Variants in COBL observed in about 807,000 individuals in gnomAD.
The protein encoded by COBL is cordon-bleu WH2 repeat protein.
A neutral mutation model predicts 98.8 loss-of-function variants in COBL; 51 were observed. That is an observed-to-expected ratio of 0.52 (90% CI 0.41 to 0.65). The LOEUF is 0.65. Ranked by LOEUF, COBL falls within the 30% of genes least tolerant of loss-of-function variation. COBL has a pLI of 0.00. For synonymous variants in COBL, 634 were observed against 651.7 expected (o/e 0.97, Z 0.41); for missense variants, 1,617 against 1,617.5 (o/e 1.00, Z 0.01).
At chr7:51,057,666 C>T (rs1398924573) in intron 7 of COBL, among the ~76,000 whole-genome samples, 1 of 152,180 alleles carries the variant, frequency 6.6e-6, no homozygotes, top group African/African-American at 2.4e-5. Flanking sequence ...ATGTTTCACA[C>T]ACAAACCACC....
intron 1 of COBL, among the ~76,000 whole-genome samples, chr7:51,303,180 G>C (rs1052554240): frequency 6.6e-6 from 1 of 152,196 alleles, no homozygotes; most frequent in Non-Finnish European, 1.5e-5. Flanking sequence ...CGGATGCAGA[G>C]ATAGACACAA....
chr7:51,135,574 C>A (rs1799154514), intron 6 of COBL, among the ~76,000 whole-genome samples: 1 of 152,166 alleles, frequency 6.6e-6, no homozygotes, highest in Non-Finnish European at 1.5e-5. Context: ...ATCCAGGGAC[C>A]AAGCCTCACA....
chr7:51,070,450 A>G (rs954460798), intron 7 of COBL, among the ~76,000 whole-genome samples: 1 of 127,954 alleles, frequency 7.8e-6, no homozygotes, highest in Non-Finnish European at 1.8e-5. Context: ...CAGAGGAAGC[A>G]AGTGCTCTGT....
chr7:51,204,605 G>A (rs897475632), intron 2 of COBL, among the ~76,000 whole-genome samples: 26 of 149,432 alleles, frequency 1.7e-4, no homozygotes, highest in African/African-American at 6.2e-4. Context: ...AGGCTGGAGT[G>A]CATGGTGCTA....
chr7:51,208,027 G>C (rs1205396692), intron 2 of COBL, among the ~76,000 whole-genome samples: 1 of 151,388 alleles, frequency 6.6e-6, no homozygotes, highest in African/African-American at 2.4e-5. Context: ...GAAGTGAGGA[G>C]CATCTCTGCC....
In COBL at chr7:51,028,679, C is replaced by A. The variant is rs1246205103; in HGVS notation, c.2417G>T (p.Arg806Ile). Residue 806 changes from arginine (R) to isoleucine (I), a missense_variant, in exon 10 of 13, where the codon AGA becomes ATA. Physicochemically the swap from Arg to Ile is moderately conservative, Grantham distance 97. Transcript: ENST00000265136. ...VPTQTQNPES[R>I]LQADPKPISP... ...TATTGGCTTGGGGTCTGCTTGGAGT[C>A]TGCTCTCTGGATTCTGCGTCTGCGT... The A allele has an allele frequency of 6.2e-7, 1 of 1,613,010 alleles. No individual in the cohort carries two copies. The highest frequency in any genetic ancestry group is 8.5e-7 in the Non-Finnish European group (1 of 1,179,398).
At chr7:51,083,145 A>AGGGGGGTG in intron 7 of COBL, 2 of 477,198 alleles carry the variant, frequency 4.2e-6, no homozygotes, top group Non-Finnish European at 6.2e-6. Context: ...GGAGGAGGGT[A>AGGGGGGTG]GGGCGGGGGT....
At chr7:51,202,316 T>C (rs746333863) in intron 2 of COBL, among the ~76,000 whole-genome samples, 13 of 152,190 alleles carry the variant, frequency 8.5e-5, no homozygotes, top group Non-Finnish European at 1.8e-4. Flanking sequence ...AGTTTTGCAG[T>C]TGTGCCTCAA....
chr7:51,243,069 G>C (rs1795946065), intron 1 of COBL, among the ~76,000 whole-genome samples: 1 of 152,190 alleles, frequency 6.6e-6, no homozygotes, highest in African/African-American at 2.4e-5. Flanking sequence ...AACTCGCCTT[G>C]GTGGCACTGC....
Position 51,079,511 on chromosome 7 carries a change from C to T in COBL, c.1096+5655G>A, listed in dbSNP as rs28431451. Among the ~76,000 whole-genome samples, 574 of 152,320 alleles carry T rather than the reference C, an allele frequency of 3.8e-3. 3 individuals carry two copies. Among genetic ancestry groups the T allele is most frequent in the African/African-American group, 0.013 (551 of 41,562 alleles). ...ATAAATATGAATAAAACAGTTAAGCCTCCAAGTATTAATAGCTTAAACTAG... is the reference window on the plus strand; with the variant it reads ...ATAAATATGAATAAAACAGTTAAGCTTCCAAGTATTAATAGCTTAAACTAG... On this transcript the variant is annotated intron_variant, in intron 7 of 12. Coordinates refer to ENST00000265136, the MANE Select transcript of COBL (RefSeq NM_015198.5).
At chr7:51,314,052 G>C (rs565376420) in intron 1 of COBL, among the ~76,000 whole-genome samples, 1 of 152,296 alleles carries the variant, frequency 6.6e-6, no homozygotes, top group East Asian at 1.9e-4. Context: ...AAGTAAAAAC[G>C]TATATTTGTG....
intron 6 of COBL, among the ~76,000 whole-genome samples, chr7:51,089,828 C>CT (rs5884191): frequency 4.0e-5 from 6 of 150,336 alleles, no homozygotes; most frequent in Admixed American, 6.6e-5. Flanking sequence ...TACCATTTAT[C>CT]TTTTTTTTTT....
chr7:51,028,507 C>T lies in COBL; in HGVS notation c.2589G>A (p.Thr863=), dbSNP rs778468088. The part of the protein sequence containing the change: ...EVTFLKPQRR[T]SSQYVASAIA... The stretch of plus-strand genomic sequence containing the variant: ...TGGCAGAGGCCACATACTGGCTGGA[C>T]GTTCTTCTCTGAGGCTTGAGAAATG... Residue 863 remains threonine (T), a synonymous_variant, in exon 10 of 13, where the codon ACG becomes ACA. Coordinates refer to ENST00000265136, the MANE Select transcript of COBL (RefSeq NM_015198.5). The T allele has an allele frequency of 4.0e-5, 64 of 1,614,146 alleles. No individual in the cohort carries two copies. The South Asian group carries it at 4.8e-4, about 12-fold the overall frequency.
At chr7:51,034,948 AGTTGG>A (rs1788489858) in intron 8 of COBL, 2 of 152,178 alleles carry the variant, frequency 1.3e-5, no homozygotes, top group African/African-American at 4.8e-5. Context: ...TCTCACACGG[AGTTGG>A]GGACTCTGCA....
rs560428939 is a variant in COBL at position 51,031,791 on chromosome 7, A to T, written c.1407-882T>A. 2.0e-5 allele frequency: 3 copies of T among 152,412 alleles called. No homozygotes were observed. The East Asian group carries it at 5.8e-4, about 29-fold the overall frequency. 9.4% of individuals were successfully genotyped at this position (152,412 alleles called of 1,614,324 possible). A position where few individuals can be genotyped will look rare whatever the true frequency, so the allele number is the denominator to read the frequency against. On this transcript the variant is annotated intron_variant, in intron 8 of 12. Coordinates refer to ENST00000265136, the MANE Select transcript of COBL (RefSeq NM_015198.5). ...TGCAGGGGCAGGGCTTGGGGGCCTG[A>T]TAATGCCACTTGAAGAGCTGTACTC...
chr7:51,261,587 G>T lies in COBL; in HGVS notation c.42-41643C>A, dbSNP rs565669215. 1.4e-3 allele frequency among the ~76,000 whole-genome samples: 208 copies of T among 152,302 alleles called. 1 individual carries two copies. Among genetic ancestry groups the T allele is most frequent in the African/African-American group, 4.8e-3 (200 of 41,570 alleles). The stretch of plus-strand genomic sequence containing the variant: ...TGGAGAGCTGACGCACCAGGGAATG[G>T]AGGAATCTGAGGTGATGCCTGACAG... On this transcript the variant is annotated intron_variant, in intron 1 of 12. Transcript: ENST00000265136.
intron 7 of COBL, among the ~76,000 whole-genome samples, chr7:51,051,001 T>C (rs545020925): frequency 1.3e-5 from 2 of 152,352 alleles, no homozygotes; most frequent in South Asian, 2.1e-4. Context: ...GCTACATATA[T>C]GTCTTTCCCT....
At chr7:51,195,582 T>C (rs1790517627) in intron 2 of COBL, among the ~76,000 whole-genome samples, 1 of 152,244 alleles carries the variant, frequency 6.6e-6, no homozygotes, top group South Asian at 2.1e-4. Context: ...AGGCATAGCA[T>C]TAAATCTATA....
At chr7:51,238,869 G>A (rs753703924) in intron 1 of COBL, among the ~76,000 whole-genome samples, 1 of 152,134 alleles carries the variant, frequency 6.6e-6, no homozygotes, top group Non-Finnish European at 1.5e-5. Flanking sequence ...CTTCCCGGGA[G>A]TCCCCGGTGA....
Sources: allele counts gnomAD v4.1 joint callset (sites outside exome capture counted in the v4.1 genomes callset), GRCh38; gene constraint gnomAD v4.1.1; transcripts MANE v1.5; gene names NCBI Gene and HGNC (gene_info 2026-07-23, HGNC 2026-07-21).